Variants in GARS1 observed in about 807,000 individuals in gnomAD.
The protein encoded by GARS1 is glycine--tRNA ligase.
In GARS1, 46 loss-of-function variants were observed where a neutral mutation model predicts 86.4. That is an observed-to-expected ratio of 0.53 (90% CI 0.42 to 0.68). GARS1 has a LOEUF of 0.68. Among genes scored for constraint, GARS1 ranks in the 30% least tolerant of loss-of-function variants. The pLI is 0.00. For synonymous variants in GARS1, 342 were observed against 329.8 expected (o/e 1.04, Z -0.40); for missense variants, 797 against 915.6 (o/e 0.87, Z 1.67).
chr7:30,595,116 A>G lies in GARS1; in HGVS notation c.195A>G (p.Ala65=). The change falls in exon 1 of 17, where the codon GCA becomes GCG. Residue 65 remains alanine (A), a synonymous_variant. Transcript: ENST00000389266. ...GCGCGGGGGCTGAGGAGGTGCTGGC[A>G]CCTCTGAGGCTAGCAGTGCGCCAGC... is the stretch of plus-strand genomic sequence containing the variant. ...MDGAGAEEVL[A]PLRLAVRQQG... 1.3e-6 allele frequency: 2 copies of G among 1,539,242 alleles called. No individual in the cohort carries two copies. The highest frequency in any genetic ancestry group is 1.7e-6 in the Non-Finnish European group (2 of 1,148,058).
intron 10 of GARS1, among the ~76,000 whole-genome samples, chr7:30,617,580 C>T (rs1323000343): frequency 6.6e-6 from 1 of 152,156 alleles, no homozygotes; most frequent in Non-Finnish European, 1.5e-5. Context: ...ATCTAAGACA[C>T]ATTGGCCTCT....
At chr7:30,594,830 T>G, upstream of GARS1, 1 of 1,126,888 alleles carries the variant, frequency 8.9e-7, no homozygotes. Flanking sequence ...GCGCGCCGCG[T>G]CGTTTACGCG....
intron 10 of GARS1, among the ~76,000 whole-genome samples, chr7:30,618,767 C>G (rs1183115542): frequency 1.3e-5 from 2 of 152,150 alleles, no homozygotes; most frequent in Non-Finnish European, 1.5e-5. Context: ...TTATAAATGG[C>G]TATTAATGAT....
intron 5 of GARS1, 31 bp from the exon 6 acceptor site, chr7:30,603,465 T>C: frequency 6.4e-7 from 1 of 1,555,220 alleles, no homozygotes; most frequent in South Asian, 1.1e-5. Flanking sequence ...TTTTTCCCAT[T>C]GATTGATATA....
Position 30,617,100 on chromosome 7 carries a change from A to T in GARS1, c.1195-14A>T, listed in dbSNP as rs1467720688. 1 of 1,613,582 alleles carries T rather than the reference A, an allele frequency of 6.2e-7. No individual in the cohort carries two copies. The highest frequency in any genetic ancestry group is 1.7e-5 in the Admixed American group (1 of 60,022). On this transcript the variant is annotated splice_polypyrimidine_tract_variant and intron_variant, in intron 9 of 16. Transcript: ENST00000389266. ...TTCTTTTCTTCCTCCATGCTTGCTT[A>T]TTGGTTGGTTTAGGGTGTGATTAAT...
chr7:30,610,330 A>G (rs1457599540), intron 7 of GARS1, among the ~76,000 whole-genome samples: 1 of 152,242 alleles, frequency 6.6e-6, no homozygotes, highest in Non-Finnish European at 1.5e-5. Flanking sequence ...GATAAAGAAT[A>G]TCTGGTTAGT....
intron 14 of GARS1, among the ~76,000 whole-genome samples, chr7:30,630,517 CTTTT>C (rs758530758): frequency 3.8e-5 from 5 of 130,990 alleles, no homozygotes; most frequent in African/African-American, 5.7e-5. Context: ...TTATTTTCGC[CTTTT>C]TTTTTTTTTT....
At chr7:30,629,655 T>C (rs776754192) in intron 14 of GARS1, among the ~76,000 whole-genome samples, 4 of 152,208 alleles carry the variant, frequency 2.6e-5, no homozygotes, top group Non-Finnish European at 5.9e-5. Flanking sequence ...AGTACTTTAG[T>C]CTGACACACT....
chr7:30,632,182 A>G lies in GARS1; in HGVS notation c.1904-65A>G. On this transcript the variant is annotated intron_variant, in intron 15 of 16. Transcript: ENST00000389266. The surrounding 1 kb of genome is among the most constrained non-coding windows in gnomAD (Gnocchi z 4.1). ...AAGTCTCCTGAGCTTGTAAGACAGT[A>G]GTTAGATAACACTGGGCTTAACTCC... The G allele has an allele frequency of 6.8e-7, 1 of 1,465,576 alleles. No individual in the cohort carries two copies. Among genetic ancestry groups the G allele is most frequent in the Non-Finnish European group, 9.5e-7 (1 of 1,055,698 alleles). The allele number at this position is 1,465,576 out of a possible 1,614,324, so 90.8% of individuals were successfully genotyped here. A position where few individuals can be genotyped will look rare whatever the true frequency, so the allele number is the denominator to read the frequency against.
chr7:30,596,123 C>T (rs1215404659), intron 1 of GARS1, among the ~76,000 whole-genome samples: 1 of 152,180 alleles, frequency 6.6e-6, no homozygotes, highest in East Asian at 1.9e-4. Context: ...TAGTAAACAC[C>T]AAACGGGTTT....
chr7:30,630,003 A>G (rs756925240), intron 14 of GARS1, among the ~76,000 whole-genome samples: 2 of 152,238 alleles, frequency 1.3e-5, no homozygotes, highest in Non-Finnish European at 2.9e-5. Flanking sequence ...ACAAGAATAA[A>G]TTAGTCACAG....
chr7:30,615,881 C>G lies in GARS1; in HGVS notation c.1032-15C>G. The G allele has an allele frequency of 1.9e-6, 3 of 1,613,916 alleles. No homozygotes were observed. Among genetic ancestry groups the G allele is most frequent in the Non-Finnish European group, 2.5e-6 (3 of 1,179,882 alleles). On this transcript the variant is annotated splice_polypyrimidine_tract_variant and intron_variant, in intron 8 of 16. Transcript: ENST00000389266. The stretch of plus-strand genomic sequence containing the variant: ...GTTAAATATGCAGGTTTATCGCTTA[C>G]GTTTTTGCTTTCAGAGAATTCACAA...
chr7:30,609,705 A>T lies in GARS1; in HGVS notation c.856A>T (p.Ile286Phe). 1 of 1,613,644 alleles carries T rather than the reference A, an allele frequency of 6.2e-7. No homozygotes were observed. Among genetic ancestry groups the T allele is most frequent in the Non-Finnish European group, 8.5e-7 (1 of 1,179,700 alleles). ...VSFNLMFKTFIGPGGNMPGYL... is the reference protein window; with the variant it reads ...VSFNLMFKTFFGPGGNMPGYL... ...TTTTAACTTAATGTTCAAGACTTTC[A>T]TTGGGCCTGGAGGAAACATGCCTGG... Residue 286 changes from isoleucine to phenylalanine, a missense_variant, in exon 7 of 17, where the codon ATT becomes TTT. Transcript: ENST00000389266.
chr7:30,618,360 G>A (rs2128134773), intron 10 of GARS1, among the ~76,000 whole-genome samples: 1 of 152,290 alleles, frequency 6.6e-6, no homozygotes, highest in South Asian at 2.1e-4. Context: ...CTGGCTGGGT[G>A]TGGTGGCTCA....
rs1259631198 is a variant in GARS1 at position 30,603,496 on chromosome 7, C to A, written c.659C>A (p.Ala220Asp). Residue 220 changes from alanine (A) to aspartate (D), a missense_variant and splice_region_variant, in exon 6 of 17, where the codon GCT (alanine) becomes GAT (aspartate). By Grantham distance (126) the Ala-to-Asp change is moderately radical. Around this residue, in one of 2 missense-constraint regions of GARS1, gnomAD observed 598 missense variants for 738.7 expected, o/e 0.81. Coordinates refer to ENST00000389266, the MANE Select transcript of GARS1 (RefSeq NM_002047.4). ...ECFRADHLLK[A>D]HLQKLMSDKK... ...ATATATGTCAACACTGTTCTTACAGCTCATTTACAGAAATTGATGTCTGAT... is the reference window on the plus strand; with the variant it reads ...ATATATGTCAACACTGTTCTTACAGATCATTTACAGAAATTGATGTCTGAT... 2.5e-6 allele frequency: 4 copies of A among 1,611,862 alleles called. No individual in the cohort carries two copies. Among genetic ancestry groups the A allele is most frequent in the Non-Finnish European group, 3.4e-6 (4 of 1,178,364 alleles).
At chr7:30,631,423 AT>A in intron 14 of GARS1, 24 bp from the exon 15 acceptor site, 6 of 1,564,250 alleles carry the variant, frequency 3.8e-6, no homozygotes, top group Non-Finnish European at 5.3e-6. Flanking sequence ...ACATATTTGG[AT>A]TTTTTTCTTT....
At chr7:30,623,120 A>C (rs1783052013) in intron 12 of GARS1, among the ~76,000 whole-genome samples, 1 of 151,500 alleles carries the variant, frequency 6.6e-6, no homozygotes, top group Admixed American at 6.6e-5. Flanking sequence ...AAAACAAAAA[A>C]AAAAAATAGA....
At chr7:30,625,615 A>G (rs186172949) in intron 12 of GARS1, among the ~76,000 whole-genome samples, 1 of 152,306 alleles carries the variant, frequency 6.6e-6, no homozygotes, top group African/African-American at 2.4e-5. Context: ...ATAAAGATGA[A>G]TTCTTATAAC....
intron 6 of GARS1, among the ~76,000 whole-genome samples, 164 bp from the exon 7 acceptor site, chr7:30,609,421 A>G (rs1168247599): frequency 6.6e-6 from 1 of 152,168 alleles, no homozygotes; most frequent in Non-Finnish European, 1.5e-5. Context: ...AAGTGAATAA[A>G]TTGGTTATGG....
Sources: allele counts gnomAD v4.1 joint callset (sites outside exome capture counted in the v4.1 genomes callset), GRCh38; gene constraint gnomAD v4.1.1; regional missense constraint gnomAD v4.1.1; non-coding constraint Gnocchi (gnomAD v3.1); transcripts MANE v1.5; gene names NCBI Gene and HGNC (gene_info 2026-07-23, HGNC 2026-07-21).